Variants in CTNNA2 observed in about 807,000 individuals in gnomAD.
CTNNA2 encodes catenin alpha 2.
Under a neutral mutation model 101.0 loss-of-function variants are expected in CTNNA2, and 42 were observed. The ratio of observed to expected loss-of-function variants is 0.42; its 90% CI spans 0.32 to 0.54. The LOEUF is 0.54. CTNNA2 is among the 20% of genes least tolerant of loss of function. The pLI is 0.14. For synonymous variants in CTNNA2, 450 were observed against 456.4 expected (o/e 0.99, Z 0.18); for missense variants, 871 against 1,223.1 (o/e 0.71, Z 4.29).
Position 80,048,298 on chromosome 2 carries a change from C to T in CTNNA2, c.1056+138501C>T, listed in dbSNP as rs375501605. Among the ~76,000 whole-genome samples the T allele has an allele frequency of 6.6e-5, 10 of 152,098 alleles. No individual in the cohort carries two copies. The East Asian group carries it at 1.4e-3, about 21-fold the overall frequency. ...ATTGAGAGACATGTATATTATTTGG[C>T]GGCCTTAAGAGAAAGTGGAAGACTT... is the stretch of plus-strand genomic sequence containing the variant. On this transcript the variant is annotated intron_variant, in intron 7 of 18. Coordinates refer to ENST00000402739, the MANE Select transcript of CTNNA2 (RefSeq NM_001282597.3).
intron 7 of CTNNA2, among the ~76,000 whole-genome samples, chr2:79,930,838 C>G (rs2974146): frequency 0.15 from 23,559 of 152,058 alleles, 2,024 homozygotes; most frequent in East Asian, 0.26. Flanking sequence ...GTTGAAGGTA[C>G]AGTTAGGCAG....
At chr2:79,698,361 G>A (rs1285351626) in intron 2 of CTNNA2, among the ~76,000 whole-genome samples, 1 of 151,962 alleles carries the variant, frequency 6.6e-6, no homozygotes, top group Non-Finnish European at 1.5e-5. Flanking sequence ...ATAGTACAGG[G>A]ATTTTAAAGG....
chr2:80,289,622 A>T (rs1675061330), intron 7 of CTNNA2, among the ~76,000 whole-genome samples: 1 of 152,156 alleles, frequency 6.6e-6, no homozygotes, highest in South Asian at 2.1e-4. Flanking sequence ...ATTGGCCAGC[A>T]ATTTGGCCAA....
intron 1 of CTNNA2, among the ~76,000 whole-genome samples, chr2:79,550,975 A>G (rs1674063800): frequency 6.6e-6 from 1 of 152,220 alleles, no homozygotes; most frequent in African/African-American, 2.4e-5. Context: ...GAATAATGGA[A>G]TCTGTGATAA....
chr2:80,202,125 C>G (rs1030448785), intron 7 of CTNNA2, among the ~76,000 whole-genome samples: 3 of 152,170 alleles, frequency 2.0e-5, no homozygotes, highest in Non-Finnish European at 4.4e-5. Context: ...ATGCATATGA[C>G]TATAAGTCTT....
At chr2:79,909,313 A>G (rs1685632078) in intron 6 of CTNNA2, among the ~76,000 whole-genome samples, 1 of 152,240 alleles carries the variant, frequency 6.6e-6, no homozygotes, top group Non-Finnish European at 1.5e-5. Context: ...AAATGCCAAA[A>G]AAGTGTCCTA....
chr2:80,491,041 T>C (rs1687022799), intron 9 of CTNNA2, among the ~76,000 whole-genome samples: 2 of 152,216 alleles, frequency 1.3e-5, no homozygotes, highest in Admixed American at 6.5e-5. Context: ...CTGCATTCTA[T>C]ACCACTAGAT....
At chr2:79,680,068 CT>C (rs1683454866) in intron 2 of CTNNA2, among the ~76,000 whole-genome samples, 1 of 151,780 alleles carries the variant, frequency 6.6e-6, no homozygotes, top group Non-Finnish European at 1.5e-5. Context: ...TAAAATATTC[CT>C]GATTTGGAAA....
At chr2:79,704,943 G>A (rs922655740) in intron 2 of CTNNA2, among the ~76,000 whole-genome samples, 3 of 140,034 alleles carry the variant, frequency 2.1e-5, no homozygotes, top group Admixed American at 2.1e-4. Flanking sequence ...CGAAAGTATG[G>A]GAAACTTCTG....
intron 14 of CTNNA2, among the ~76,000 whole-genome samples, chr2:80,588,456 C>T (rs190597594): frequency 6.6e-6 from 1 of 152,156 alleles, no homozygotes; most frequent in South Asian, 2.1e-4. Flanking sequence ...TTTTGCTGCT[C>T]TGCCCACATT....
chr2:79,829,926 G>A (rs1678798248), intron 3 of CTNNA2, among the ~76,000 whole-genome samples: 1 of 151,860 alleles, frequency 6.6e-6, no homozygotes, highest in East Asian at 2.0e-4. Context: ...TTTCAAACAT[G>A]GCCCAAATAC....
intron 1 of CTNNA2, among the ~76,000 whole-genome samples, chr2:79,602,165 AG>A (rs1467628963): frequency 6.6e-6 from 1 of 152,214 alleles, no homozygotes; most frequent in Non-Finnish European, 1.5e-5. Flanking sequence ...CTAGAGTTAT[AG>A]GTACAGAAAA....
chr2:79,200,202 G>T (rs1674016681), intron 2 of CTNNA2, among the ~76,000 whole-genome samples: 1 of 152,088 alleles, frequency 6.6e-6, no homozygotes, highest in Non-Finnish European at 1.5e-5. Context: ...TGGCCAATAT[G>T]GTGAAACCCC....
chr2:79,510,749 T>A (rs554023698), upstream of CTNNA2, among the ~76,000 whole-genome samples: 1 of 152,350 alleles, frequency 6.6e-6, no homozygotes, highest in South Asian at 2.1e-4. Context: ...TTAATAACTC[T>A]AATTTAAAGC....
intron 3 of CTNNA2, among the ~76,000 whole-genome samples, chr2:79,790,327 T>C (rs983021693): frequency 1.3e-5 from 2 of 148,428 alleles, no homozygotes; most frequent in Admixed American, 1.3e-4. Flanking sequence ...GAGGGAGGAG[T>C]TGACGATGTC....
At chr2:80,578,516 A>G (rs1695257471) in intron 13 of CTNNA2, among the ~76,000 whole-genome samples, 2 of 152,126 alleles carry the variant, frequency 1.3e-5, no homozygotes, top group South Asian at 2.1e-4. Flanking sequence ...AAAAATGTGT[A>G]ATTCAAAAAA....
intron 7 of CTNNA2, among the ~76,000 whole-genome samples, chr2:80,228,625 A>G (rs999532237): frequency 6.6e-6 from 1 of 152,152 alleles, no homozygotes. Context: ...ATTTGGTGTC[A>G]CAAGAAACAG....
intron 9 of CTNNA2, among the ~76,000 whole-genome samples, chr2:80,542,117 T>TA (rs60690540): frequency 0.023 from 3,116 of 135,780 alleles, 104 homozygotes; most frequent in African/African-American, 0.079. Context: ...AGATTCTTTT[T>TA]AAAAAAAAAG....
intron 9 of CTNNA2, among the ~76,000 whole-genome samples, chr2:80,474,834 C>T (rs917899377): frequency 1.3e-5 from 2 of 152,082 alleles, no homozygotes; most frequent in Admixed American, 1.3e-4. Flanking sequence ...AGGACAAAAG[C>T]AAGGAAATTG....
Sources: gnomAD v4.1 joint callset for allele counts (sites outside exome capture counted in the v4.1 genomes callset) on GRCh38, gnomAD v4.1.1 for gene constraint, MANE v1.5 for transcripts, NCBI Gene and HGNC (gene_info 2026-07-23, HGNC 2026-07-21) for gene names.